SUMF1: variants seen among roughly 807,000 people sequenced by gnomAD.
SUMF1 encodes formylglycine-generating enzyme.
A neutral mutation model predicts 47.6 loss-of-function variants in SUMF1; 48 were observed. The ratio of observed to expected loss-of-function variants is 1.01; its 90% confidence interval spans 0.80 to 1.28. The LOEUF is 1.28. Ranked by LOEUF, SUMF1 falls within the 50% of genes most tolerant of loss-of-function variation. The pLI, the probability that SUMF1 is intolerant of heterozygous loss-of-function variation, is 0.00. For synonymous variants in SUMF1, 230 were observed against 192.1 expected (o/e 1.20, Z -1.63); for missense variants, 571 against 485.4 (o/e 1.18, Z -1.66).
chr3:4,137,366 G>A (rs1312933043), intron 8 of SUMF1, among the ~76,000 whole-genome samples: 1 of 151,356 alleles, frequency 6.6e-6, no homozygotes, highest in Middle Eastern at 3.4e-3. Context: ...GCAAACTATT[G>A]CAAGAACAAA....
chr3:4,262,629 C>A (rs887800252), intron 8 of SUMF1, among the ~76,000 whole-genome samples: 2 of 152,132 alleles, frequency 1.3e-5, no homozygotes, highest in African/African-American at 4.8e-5. Context: ...TTAGGCTTTA[C>A]ATTCTATTTT....
At chr3:4,456,813 CGTGTGTGTGTATATATACGTGTAT>C (rs2079640219) in intron 1 of SUMF1, among the ~76,000 whole-genome samples, 2 of 112,508 alleles carry the variant, frequency 1.8e-5, no homozygotes, top group African/African-American at 6.9e-5. Context: ...TATATATATA[CGTGTGTGTGTATATATACGTGTAT>C]ATATATACGT....
chr3:4,307,761 G>C (rs1410449814), intron 8 of SUMF1, among the ~76,000 whole-genome samples: 1 of 152,128 alleles, frequency 6.6e-6, no homozygotes, highest in African/African-American at 2.4e-5. Context: ...TCCCAGCCAG[G>C]CATGGTGGCT....
Position 4,319,212 on chromosome 3 carries a change from G to A in SUMF1, c.1014+57118C>T, listed in dbSNP as rs371242316. Reference sequence around the variant, plus strand: ...GACAGTTTGGTGGGCTCTTAAAAGAGCTAGGCATAGCCTTAGCATTGATCC... The same window carrying A: ...GACAGTTTGGTGGGCTCTTAAAAGAACTAGGCATAGCCTTAGCATTGATCC... On this transcript the variant is annotated intron_variant and NMD_transcript_variant, in intron 8 of 12. Coordinates refer to the SUMF1 transcript ENST00000448413. Among the ~76,000 whole-genome samples the A allele has an allele frequency of 1.2e-4, 19 of 152,318 alleles. No individual in the cohort carries two copies. The South Asian group carries it at 2.7e-3, about 22-fold the overall frequency.
At chr3:4,212,749 G>A (rs1026802386) in intron 8 of SUMF1, among the ~76,000 whole-genome samples, 10 of 152,100 alleles carry the variant, frequency 6.6e-5, no homozygotes, top group Admixed American at 5.9e-4. Context: ...CACAGCACAA[G>A]AACTTTGGGA....
chr3:4,214,848 A>G (rs1383853455), intron 8 of SUMF1, among the ~76,000 whole-genome samples: 1 of 152,180 alleles, frequency 6.6e-6, no homozygotes, highest in Non-Finnish European at 1.5e-5. Context: ...TAAACCAGGA[A>G]GACATCAAAT....
chr3:4,241,222 G>A (rs377540256), intron 8 of SUMF1, among the ~76,000 whole-genome samples: 1 of 152,112 alleles, frequency 6.6e-6, no homozygotes, highest in Admixed American at 6.6e-5. Context: ...AGAGTGCAAA[G>A]GATCTTCAAC....
intron 3 of SUMF1, among the ~76,000 whole-genome samples, chr3:4,430,686 G>A (rs1702205395): frequency 6.6e-6 from 1 of 152,080 alleles, no homozygotes; most frequent in South Asian, 2.1e-4. Flanking sequence ...TCATTGAGAA[G>A]GGAAGACAAA....
intron 8 of SUMF1, among the ~76,000 whole-genome samples, chr3:4,213,375 C>T (rs1394842796): frequency 1.3e-5 from 2 of 152,088 alleles, no homozygotes; most frequent in African/African-American, 2.4e-5. Flanking sequence ...AAGATTTTGT[C>T]ACCACCAGGC....
chr3:4,454,822 A>T (rs1471965517), intron 1 of SUMF1, among the ~76,000 whole-genome samples: 1 of 152,240 alleles, frequency 6.6e-6, no homozygotes, highest in Non-Finnish European at 1.5e-5. Context: ...CCAATCACAA[A>T]GGGCCACATA....
intron 8 of SUMF1, among the ~76,000 whole-genome samples, chr3:4,143,864 C>T (rs1041084652): frequency 3.3e-5 from 5 of 152,098 alleles, no homozygotes; most frequent in Non-Finnish European, 7.3e-5. Context: ...AGGCCCCAAC[C>T]CAGTTCTGCT....
intron 8 of SUMF1, among the ~76,000 whole-genome samples, chr3:4,285,442 T>G (rs1366670135): frequency 6.6e-6 from 1 of 152,046 alleles, no homozygotes; most frequent in East Asian, 1.9e-4. Flanking sequence ...CTCTCTAGAG[T>G]TTATGAATTT....
At chr3:4,444,223 T>C (rs891124587) in intron 3 of SUMF1, among the ~76,000 whole-genome samples, 1 of 152,198 alleles carries the variant, frequency 6.6e-6, no homozygotes, top group Non-Finnish European at 1.5e-5. Context: ...TCCAGAAAAG[T>C]TGACTTTAAA....
chr3:4,304,677 CCTTT>C (rs1167936346), intron 8 of SUMF1, among the ~76,000 whole-genome samples: 9 of 152,144 alleles, frequency 5.9e-5, no homozygotes, highest in Admixed American at 3.9e-4. Context: ...CCCTATCTGC[CCTTT>C]CTTTTTCCTA....
chr3:4,429,172 G>C (rs761224055), intron 3 of SUMF1, among the ~76,000 whole-genome samples: 1 of 152,204 alleles, frequency 6.6e-6, no homozygotes, highest in Non-Finnish European at 1.5e-5. Context: ...TGTAACCTGA[G>C]AGCGTGTCTT....
intron 7 of SUMF1, among the ~76,000 whole-genome samples, chr3:4,384,681 TGAG>T (rs1441208618): frequency 4.6e-5 from 7 of 152,194 alleles, no homozygotes; most frequent in Non-Finnish European, 4.4e-5. Context: ...TTATTACTAT[TGAG>T]TAGTATTCCA....
At chr3:4,313,932 A>C in intron 8 of SUMF1, 1 of 1,194,272 alleles carries the variant, frequency 8.4e-7, no homozygotes, top group Non-Finnish European at 1.1e-6. Context: ...CATTTAACAA[A>C]AGTACATGAC....
chr3:4,262,432 A>C (rs1697107211), intron 8 of SUMF1, among the ~76,000 whole-genome samples: 1 of 152,164 alleles, frequency 6.6e-6, no homozygotes, highest in Non-Finnish European at 1.5e-5. Flanking sequence ...TGGTCAAAGC[A>C]ACAACAACAA....
chr3:4,269,619 G>A (rs938098139), intron 8 of SUMF1, among the ~76,000 whole-genome samples: 8 of 152,084 alleles, frequency 5.3e-5, no homozygotes, highest in Non-Finnish European at 1.2e-4. Context: ...CAGAAGCGGG[G>A]GAAAGAAAGA....
Sources: allele counts gnomAD v4.1 joint callset (sites outside exome capture counted in the v4.1 genomes callset), GRCh38; gene constraint gnomAD v4.1.1; transcripts MANE v1.5; gene names NCBI Gene and HGNC (gene_info 2026-07-23, HGNC 2026-07-21).